PPME1: variants seen among roughly 807,000 people sequenced by gnomAD.
PPME1 encodes the protein testicular secretory protein Li 39.
In PPME1, 17 loss-of-function variants were observed where a neutral mutation model predicts 56.9. The observed-to-expected ratio is 0.30, with a 90% confidence interval of 0.20 to 0.45. The LOEUF (loss-of-function observed/expected upper bound fraction) is 0.45, where lower values mean the gene tolerates loss of function less well. Among genes scored for constraint, PPME1 ranks in the 20% least tolerant of loss-of-function variants. The pLI, the probability that PPME1 is intolerant of heterozygous loss-of-function variation, is 1.00. For synonymous variants in PPME1, 122 were observed against 156.2 expected (o/e 0.78, Z 1.63); for missense variants, 357 against 483.2 (o/e 0.74, Z 2.45).
rs545466465 is a variant in PPME1 at position 74,215,560 on chromosome 11, A to G, written c.289-6752A>G. On this transcript the variant is annotated intron_variant, in intron 3 of 13. Transcript: ENST00000328257. Reference sequence around the variant, plus strand: ...AAAATAAAAAGCAAGATATTTAAACATACCACCAGAGAAAATCACCTGCAC... The same window carrying G: ...AAAATAAAAAGCAAGATATTTAAACGTACCACCAGAGAAAATCACCTGCAC... Among the ~76,000 whole-genome samples the G allele has an allele frequency of 3.3e-5, 5 of 152,344 alleles. No homozygotes were observed. In the South Asian group the frequency reaches 1.0e-3, roughly 32 times the overall value.
At chr11:74,209,810 T>G (rs556506169) in intron 3 of PPME1, among the ~76,000 whole-genome samples, 1 of 152,210 alleles carries the variant, frequency 6.6e-6, no homozygotes, top group Non-Finnish European at 1.5e-5. Context: ...GATAATACTG[T>G]TTGAAGCTAT....
intron 3 of PPME1, chr11:74,205,812 C>G (rs989449721): frequency 1.3e-5 from 2 of 152,188 alleles, no homozygotes; most frequent in Non-Finnish European, 2.9e-5. Context: ...GTACCAGGCT[C>G]TGTCATGTCT....
chr11:74,183,062 C>T (rs193086267), intron 1 of PPME1, among the ~76,000 whole-genome samples: 165 of 150,662 alleles, frequency 1.1e-3, no homozygotes, highest in African/African-American at 3.8e-3. Context: ...TTTTGGAGTT[C>T]GAGGTGGGAG....
chr11:74,236,021 A>C, intron 8 of PPME1, 55 bp downstream of exon 8: 1 of 1,586,146 alleles, frequency 6.3e-7, no homozygotes, highest in East Asian at 2.3e-5. Context: ...TGGTGAGGGA[A>C]TTACAGATTG....
chr11:74,207,448 A>C (rs1858356273), intron 3 of PPME1, among the ~76,000 whole-genome samples: 1 of 152,246 alleles, frequency 6.6e-6, no homozygotes. Flanking sequence ...AGCACTTGGG[A>C]AACTTTTATC....
chr11:74,253,781 T>C lies in PPME1; in HGVS notation c.*271T>C. 1.8e-6 allele frequency: 1 copy of C among 564,100 alleles called. No individual in the cohort carries two copies. Among genetic ancestry groups the C allele is most frequent in the African/African-American group, 1.9e-5 (1 of 53,146 alleles). 34.9% of individuals were successfully genotyped at this position (564,100 alleles called of 1,614,324 possible). On this transcript the variant is annotated 3_prime_UTR_variant, in exon 14 of 14. Coordinates refer to ENST00000328257, the MANE Select transcript of PPME1 (RefSeq NM_016147.3). ...TGGGGTAGCTCCTGCCTGCTCTCCC[T>C]GCGTTGCCTAGGGTAAAGCCTCCAG...
chr11:74,233,627 A>G (rs1411624361), intron 7 of PPME1, among the ~76,000 whole-genome samples: 1 of 152,170 alleles, frequency 6.6e-6, no homozygotes, highest in African/African-American at 2.4e-5. Flanking sequence ...AGCCTGGGCA[A>G]CATAGCGAGA....
intron 1 of PPME1, among the ~76,000 whole-genome samples, chr11:74,188,059 G>C (rs1473842903): frequency 6.6e-6 from 1 of 152,120 alleles, no homozygotes; most frequent in Non-Finnish European, 1.5e-5. Context: ...CCAGAAGCTG[G>C]AAATGGTATT....
At chr11:74,185,391 G>C (rs1185970027) in intron 1 of PPME1, among the ~76,000 whole-genome samples, 1 of 152,098 alleles carries the variant, frequency 6.6e-6, no homozygotes, top group Non-Finnish European at 1.5e-5. Context: ...CTTCATTAGA[G>C]GCTTTTATAT....
intron 4 of PPME1, 44 bp from the exon 5 acceptor site, chr11:74,225,161 T>A (rs769954346): frequency 7.5e-7 from 1 of 1,324,528 alleles, no homozygotes; most frequent in Non-Finnish European, 1.0e-6. Flanking sequence ...GCTTTTATAA[T>A]TCCTGTCTGT....
chr11:74,190,838 T>G (rs1857816798), intron 1 of PPME1, among the ~76,000 whole-genome samples: 1 of 152,142 alleles, frequency 6.6e-6, no homozygotes, highest in Admixed American at 6.5e-5. Flanking sequence ...AGGTCTCAGA[T>G]GGAAATGAGG....
intron 1 of PPME1, among the ~76,000 whole-genome samples, chr11:74,178,580 G>A (rs59076920): frequency 0.031 from 4,757 of 152,258 alleles, 221 homozygotes; most frequent in African/African-American, 0.1. Context: ...TTAACAAGTG[G>A]AGAAGCCTAA....
At chr11:74,242,801 C>A (rs913003881) in intron 9 of PPME1, among the ~76,000 whole-genome samples, 2 of 148,392 alleles carry the variant, frequency 1.3e-5, no homozygotes, top group African/African-American at 2.5e-5. Context: ...ATCGCTTGAA[C>A]CCGGGAGGCA....
At chr11:74,237,583 CT>C (rs34476332) in intron 8 of PPME1, among the ~76,000 whole-genome samples, 2 of 150,244 alleles carry the variant, frequency 1.3e-5, no homozygotes, top group East Asian at 1.9e-4. Flanking sequence ...CCAATTGTCT[CT>C]TTTTTTTTAA....
chr11:74,187,153 T>A (rs542292417), intron 1 of PPME1, among the ~76,000 whole-genome samples: 1 of 152,334 alleles, frequency 6.6e-6, no homozygotes, highest in South Asian at 2.1e-4. Context: ...TTACTGTAGC[T>A]TTTTGTAGTA....
chr11:74,251,008 C>T lies in PPME1; in HGVS notation c.1064C>T (p.Ala355Val), dbSNP rs763885308. ...TGTGGCCATGCAGTCCATGAGGATGCCCCTGACAAGGTGAGTCTGGTGCTC... is the reference window on the plus strand; with the variant it reads ...TGTGGCCATGCAGTCCATGAGGATGTCCCTGACAAGGTGAGTCTGGTGCTC... ...PQCGHAVHED[A>V]PDKVAEAVAT... The change falls in exon 12 of 14, where the codon GCC becomes GTC. Residue 355 changes from alanine to valine, a missense_variant. Physicochemically the swap from Ala to Val is moderately conservative, Grantham distance 64. Transcript: ENST00000328257. 20 of 1,596,510 alleles carry T rather than the reference C, an allele frequency of 1.3e-5. No homozygotes were observed. Among genetic ancestry groups the T allele is most frequent in the Non-Finnish European group, 1.7e-5 (20 of 1,171,322 alleles).
intron 3 of PPME1, among the ~76,000 whole-genome samples, chr11:74,215,969 A>G (rs1858629435): frequency 6.6e-6 from 1 of 152,186 alleles, no homozygotes; most frequent in South Asian, 2.1e-4. Context: ...ATACATATAT[A>G]TGCACCCAAC....
chr11:74,185,954 T>C (rs1036368166), intron 1 of PPME1, among the ~76,000 whole-genome samples: 2 of 152,192 alleles, frequency 1.3e-5, no homozygotes, highest in Non-Finnish European at 2.9e-5. Context: ...GTTTCATTTA[T>C]TTGCTTGAAA....
chr11:74,187,915 G>A (rs530600686), intron 1 of PPME1, among the ~76,000 whole-genome samples: 1 of 152,214 alleles, frequency 6.6e-6, no homozygotes, highest in Non-Finnish European at 1.5e-5. Flanking sequence ...GGTAAGCCCA[G>A]TGTAATCACT....
Sources: gnomAD v4.1 joint callset for allele counts (sites outside exome capture counted in the v4.1 genomes callset) on GRCh38, gnomAD v4.1.1 for gene constraint, MANE v1.5 for transcripts, NCBI Gene and HGNC (gene_info 2026-07-23, HGNC 2026-07-21) for gene names.